GALNT8: variants seen among roughly 807,000 people sequenced by gnomAD.
The protein encoded by GALNT8 is probable polypeptide N-acetylgalactosaminyltransferase 8.
A neutral mutation model predicts 62.7 loss-of-function variants in GALNT8; 66 were observed. The ratio of observed to expected loss-of-function variants is 1.05; its 90% CI spans 0.86 to 1.29. The LOEUF (loss-of-function observed/expected upper bound fraction) is 1.29, where lower values mean the gene tolerates loss of function less well. Among genes scored for constraint, GALNT8 ranks in the 50% most tolerant of loss-of-function variants. The pLI is 0.00. For missense variants in GALNT8, 771 were observed against 791.8 expected, an observed-to-expected ratio of 0.97 and a Z score of 0.32; for synonymous variants, 288 against 294.3, an observed-to-expected ratio of 0.98 and a Z score of 0.22.
intron 1 of GALNT8, among the ~76,000 whole-genome samples, chr12:4,721,384 C>T (rs1254954783): frequency 2.0e-5 from 3 of 152,036 alleles, no homozygotes; most frequent in Non-Finnish European, 4.4e-5. Context: ...TCCCGCCAGC[C>T]TCTGAGTTCC....
At position 4,721,823 on chromosome 12, in the gene GALNT8, C is replaced by G. The variant is rs534100545; in HGVS notation, c.211+935C>G. On this transcript the variant is annotated intron_variant, in intron 1 of 10. Coordinates refer to ENST00000252318, the MANE Select transcript of GALNT8 (RefSeq NM_017417.2). ...GGACAGTCAGGTCTTTCCCTTCCCA[C>G]GAGGCCATATTTCAGATGGTCACAT... Among the ~76,000 whole-genome samples the G allele has an allele frequency of 6.6e-5, 10 of 152,318 alleles. No homozygotes were observed. In the South Asian group the frequency reaches 1.0e-3, roughly 16 times the overall value.
chr12:4,740,278 G>A (rs1279723977), intron 3 of GALNT8, among the ~76,000 whole-genome samples: 1 of 152,092 alleles, frequency 6.6e-6, no homozygotes, highest in East Asian at 1.9e-4. Flanking sequence ...AGGTCCTTGG[G>A]TAACTCAACG....
chr12:4,725,796 C>T (rs1166010923), intron 1 of GALNT8, among the ~76,000 whole-genome samples: 12 of 152,218 alleles, frequency 7.9e-5, no homozygotes, highest in South Asian at 6.2e-4. Context: ...CCTTGTGATC[C>T]GCCCACCTCG....
rs532991720 is a variant in GALNT8, at chr12:4,763,633, C to T, written c.1497+243C>T. Among the ~76,000 whole-genome samples, 654 of 151,890 alleles carry T rather than the reference C, an allele frequency of 4.3e-3. 11 individuals carry two copies. The highest frequency in any genetic ancestry group is 0.015 in the African/African-American group (616 of 41,390). On this transcript the variant is annotated intron_variant, in intron 8 of 10. Coordinates refer to ENST00000252318, the MANE Select transcript of GALNT8 (RefSeq NM_017417.2). ...AGCTCTTGCCTGGACTCCCCCCCGC[C>T]CCGCCCCCGTTTCTCCAGCAGCTGC...
chr12:4,772,476 G>C lies in GALNT8; in HGVS notation c.1793G>C (p.Arg598Pro). 6.2e-7 allele frequency: 1 copy of C among 1,613,918 alleles called. No homozygotes were observed. The highest frequency in any genetic ancestry group is 8.5e-7 in the Non-Finnish European group (1 of 1,179,908). ...GGAVINRDTK[R>P]CLEMKKDLLG... ...GCTGTCATAAACAGAGATACCAAGC[G>C]GTGTCTGGAGATGAAGAAGGATCTT... Residue 598 changes from arginine to proline, a missense_variant, in exon 11 of 11, where the codon CGG becomes CCG. Arg to Pro is a moderately radical substitution (Grantham distance 103). Transcript: ENST00000252318.
At chr12:4,756,406 A>G (rs1223564013) in intron 6 of GALNT8, among the ~76,000 whole-genome samples, 1 of 152,226 alleles carries the variant, frequency 6.6e-6, no homozygotes, top group Non-Finnish European at 1.5e-5. Context: ...CTGCTGCATT[A>G]AGCACCTAGT....
chr12:4,763,263 T>C lies in GALNT8; in HGVS notation c.1370T>C (p.Ile457Thr). The C allele has an allele frequency of 4.3e-6, 7 of 1,612,610 alleles. No homozygotes were observed. Among genetic ancestry groups the C allele is most frequent in the Non-Finnish European group, 4.2e-6 (5 of 1,178,674 alleles). ...GCGTTTTATTTACAGAACTCTGGAA[T>C]AGATTTTGGAGACGTTTCTTCCAGA... ...AWNIPLQNSG[I>T]DFGDVSSRMA... Residue 457 changes from isoleucine (I) to threonine (T), a missense_variant, in exon 8 of 11, where the codon ATA (isoleucine) becomes ACA (threonine). Ile to Thr is a moderately conservative substitution (Grantham distance 89). Transcript: ENST00000252318.
chr12:4,734,892 A>G (rs905207703), intron 2 of GALNT8, among the ~76,000 whole-genome samples: 2 of 152,126 alleles, frequency 1.3e-5, no homozygotes, highest in African/African-American at 4.8e-5. Flanking sequence ...ATTCCCTTGC[A>G]GTTTCAGAGG....
At chr12:4,734,156 T>C (rs1452166435) in intron 2 of GALNT8, among the ~76,000 whole-genome samples, 4 of 152,184 alleles carry the variant, frequency 2.6e-5, no homozygotes, top group African/African-American at 9.7e-5. Flanking sequence ...CTCCTACTAT[T>C]ACTACCAATA....
chr12:4,744,930 T>C (rs996270875), intron 4 of GALNT8, among the ~76,000 whole-genome samples: 4 of 152,226 alleles, frequency 2.6e-5, no homozygotes, highest in African/African-American at 9.6e-5. Flanking sequence ...CCAAATACTT[T>C]GTGAATTTGA....
intron 2 of GALNT8, among the ~76,000 whole-genome samples, chr12:4,733,253 A>G (rs1946228467): frequency 6.6e-6 from 1 of 152,202 alleles, no homozygotes; most frequent in Admixed American, 6.5e-5. Flanking sequence ...GATATAAAAC[A>G]TTTCGTCATT....
intron 1 of GALNT8, among the ~76,000 whole-genome samples, chr12:4,724,732 C>T (rs1407695488): frequency 1.3e-5 from 2 of 152,224 alleles, no homozygotes. Context: ...GTTTTTTCGA[C>T]TATCCTCTTT....
In GALNT8 at chr12:4,726,737, G is replaced by C. The variant is rs572379199; in HGVS notation, c.417G>C (p.Ala139=). Residue 139 remains alanine (A), a synonymous_variant, in exon 2 of 11, where the codon GCG becomes GCC. Coordinates refer to ENST00000252318, the MANE Select transcript of GALNT8 (RefSeq NM_017417.2). This position sits in a 1 kb window ranked among gnomAD's most constrained non-coding sequence, Gnocchi z 4.1. Reference sequence around the variant, plus strand: ...ATCTTTCTGAGGCCCAGCAGAAGGCGGCCCAGGACCTCTTCCGGAAGTTTG... The same window carrying C: ...ATCTTTCTGAGGCCCAGCAGAAGGCCGCCCAGGACCTCTTCCGGAAGTTTG... The part of the protein sequence containing the change: ...GEDLSEAQQK[A]AQDLFRKFGY... The C allele has an allele frequency of 7.4e-6, 12 of 1,613,962 alleles. No individual in the cohort carries two copies. In the African/African-American group the frequency reaches 8.0e-5, roughly 11 times the overall value.
rs1166702771 is a variant in GALNT8, at chr12:4,765,408, C to G, written c.1623C>G (p.Leu541=). The G allele has an allele frequency of 1.5e-6, 2 of 1,327,642 alleles. No individual in the cohort carries two copies. The highest frequency in any genetic ancestry group is 1.1e-6 in the Non-Finnish European group (1 of 945,182). 82.2% of individuals were successfully genotyped at this position (1,327,642 alleles called of 1,614,324 possible). Residue 541 remains leucine, a synonymous_variant, in exon 10 of 11, where the codon CTC becomes CTG. Coordinates refer to ENST00000252318, the MANE Select transcript of GALNT8 (RefSeq NM_017417.2). ...QNVYYHLTGE[L]YVGQLIAEAS... ...TCTACTATCACCTAACTGGGGAGCTCTATGTGGGACAACTGATTGCAGAGG... is the reference window on the plus strand; with the variant it reads ...TCTACTATCACCTAACTGGGGAGCTGTATGTGGGACAACTGATTGCAGAGG...
At chr12:4,757,538 A>G (rs1455831176) in intron 6 of GALNT8, among the ~76,000 whole-genome samples, 1 of 152,170 alleles carries the variant, frequency 6.6e-6, no homozygotes, top group Non-Finnish European at 1.5e-5. Context: ...CACACTCAAC[A>G]CCATATTTGT....
chr12:4,753,135 T>C (rs1398604827), intron 6 of GALNT8, among the ~76,000 whole-genome samples: 1 of 152,202 alleles, frequency 6.6e-6, no homozygotes, highest in African/African-American at 2.4e-5. Context: ...TTAAATGCCT[T>C]GAGGTAGTTT....
At chr12:4,765,633 G>A (rs1591575643) in intron 10 of GALNT8, 87 bp downstream of exon 10, 15 of 1,000,750 alleles carry the variant, frequency 1.5e-5, no homozygotes, top group Non-Finnish European at 4.4e-6. Context: ...CCAGGCTAGA[G>A]TGCAGTGGCT....
intron 1 of GALNT8, among the ~76,000 whole-genome samples, chr12:4,725,619 A>C (rs1019609482): frequency 2.1e-5 from 3 of 145,328 alleles, no homozygotes; most frequent in African/African-American, 7.7e-5. Flanking sequence ...GCAGTGGCAC[A>C]ATCTCGGCTC....
intron 2 of GALNT8, among the ~76,000 whole-genome samples, chr12:4,728,432 C>T (rs993434620): frequency 2.0e-5 from 3 of 152,032 alleles, no homozygotes; most frequent in Admixed American, 2.0e-4. Context: ...ATCTAAGAGA[C>T]CTTGCTTGGT....
Sources: gnomAD v4.1 joint callset for allele counts (sites outside exome capture counted in the v4.1 genomes callset) on GRCh38, gnomAD v4.1.1 for gene constraint, Gnocchi (gnomAD v3.1) non-coding constraint, MANE v1.5 for transcripts, NCBI Gene and HGNC (gene_info 2026-07-23, HGNC 2026-07-21) for gene names.